The following SUGCT variants were observed in gnomAD, a reference collection of about 807,000 sequenced individuals.
The protein encoded by SUGCT is succinyl-CoA:glutarate CoA-transferase.
SUGCT carries 41 observed loss-of-function variants against 55.0 expected under a neutral mutation model. The ratio of observed to expected loss-of-function variants is 0.74; its 90% confidence interval spans 0.58 to 0.97. SUGCT has a LOEUF of 0.97. Among genes scored for constraint, SUGCT ranks in the 50% least tolerant of loss-of-function variants. The pLI is 0.00. For missense variants in SUGCT, 568 were observed against 547.8 expected (o/e 1.04, Z -0.37); for synonymous variants, 187 against 200.4 (o/e 0.93, Z 0.56).
intron 12 of SUGCT, among the ~76,000 whole-genome samples, chr7:40,521,942 G>A (rs567443401): frequency 1.3e-5 from 2 of 152,002 alleles, no homozygotes; most frequent in African/African-American, 2.4e-5. Flanking sequence ...GTTGTTTCTC[G>A]GCTGGATATT....
the SUGCT span, among the ~76,000 whole-genome samples, chr7:40,909,059 C>T: frequency 1.1e-4 from 17 of 151,954 alleles, no homozygotes; most frequent in Admixed American, 1.0e-3. Flanking sequence ...GGTTTTTTCC[C>T]CACTTTATTG....
At chr7:40,545,765 C>A (rs532503771) in intron 12 of SUGCT, among the ~76,000 whole-genome samples, 2 of 152,228 alleles carry the variant, frequency 1.3e-5, no homozygotes, top group South Asian at 4.2e-4. Flanking sequence ...TAGAGAATAA[C>A]AAAGTATGCT....
chr7:40,635,472 C>T (rs189306836), intron 12 of SUGCT, among the ~76,000 whole-genome samples: 234 of 152,206 alleles, frequency 1.5e-3, no homozygotes, highest in Middle Eastern at 6.8e-3. Flanking sequence ...CAGATGACAA[C>T]AGCTAAGAAG....
chr7:40,939,087 A>T, the SUGCT span, among the ~76,000 whole-genome samples: 1 of 152,190 alleles, frequency 6.6e-6, no homozygotes. Flanking sequence ...GGCAATTTAC[A>T]AAAGAAAGAT....
intron 6 of SUGCT, among the ~76,000 whole-genome samples, chr7:40,219,598 G>C (rs1787908153): frequency 6.6e-6 from 1 of 152,116 alleles, no homozygotes; most frequent in Non-Finnish European, 1.5e-5. Flanking sequence ...GTTGTGACCA[G>C]GCCATGTGAA....
At chr7:40,358,052 G>C (rs1375331007) in intron 9 of SUGCT, among the ~76,000 whole-genome samples, 1 of 152,158 alleles carries the variant, frequency 6.6e-6, no homozygotes, top group Admixed American at 6.5e-5. Context: ...GCACATAGAT[G>C]CCCAATAAGT....
chr7:40,228,234 T>A (rs981083040), intron 6 of SUGCT, among the ~76,000 whole-genome samples: 3 of 152,160 alleles, frequency 2.0e-5, no homozygotes, highest in African/African-American at 7.2e-5. Context: ...AAATATACAG[T>A]TGTTTTTCAG....
the SUGCT span, among the ~76,000 whole-genome samples, chr7:40,887,961 A>G: frequency 0.019 from 2,928 of 151,826 alleles, 107 homozygotes; most frequent in African/African-American, 0.068. Context: ...AGGGCTCACT[A>G]TGGCAGGTGT....
chr7:40,836,091 G>A (rs1792961146), intron 13 of SUGCT, among the ~76,000 whole-genome samples: 1 of 150,942 alleles, frequency 6.6e-6, no homozygotes, highest in Non-Finnish European at 1.5e-5. Flanking sequence ...TAGAGATGAA[G>A]TCTCACTGTG....
chr7:40,245,938 G>T (rs920346065), intron 7 of SUGCT, among the ~76,000 whole-genome samples: 4 of 151,988 alleles, frequency 2.6e-5, no homozygotes, highest in Non-Finnish European at 5.9e-5. Flanking sequence ...GGGCTGAATC[G>T]ATCCTCCCAT....
intron 11 of SUGCT, among the ~76,000 whole-genome samples, chr7:40,474,939 A>G (rs1319319866): frequency 1.3e-5 from 2 of 152,168 alleles, no homozygotes; most frequent in Non-Finnish European, 2.9e-5. Flanking sequence ...TAAGTACTGC[A>G]TATTGTAGGG....
At chr7:40,860,048 A>T (rs1161862997) in intron 13 of SUGCT, among the ~76,000 whole-genome samples, 1 of 152,162 alleles carries the variant, frequency 6.6e-6, no homozygotes, top group Non-Finnish European at 1.5e-5. Flanking sequence ...GCTTCCAAAT[A>T]GGCCCGGCAC....
chr7:40,331,528 G>A (rs1217053554), intron 9 of SUGCT, among the ~76,000 whole-genome samples: 1 of 152,120 alleles, frequency 6.6e-6, no homozygotes, highest in Non-Finnish European at 1.5e-5. Flanking sequence ...ATAGGGTCTG[G>A]CACATAGCAT....
intron 13 of SUGCT, among the ~76,000 whole-genome samples, chr7:40,762,739 A>C (rs1024043606): frequency 1.3e-5 from 2 of 152,158 alleles, no homozygotes; most frequent in Non-Finnish European, 2.9e-5. Context: ...GGTTGCCTGA[A>C]GCCTCCAAAC....
intron 9 of SUGCT, among the ~76,000 whole-genome samples, chr7:40,427,986 C>G (rs1335367920): frequency 6.6e-6 from 1 of 151,982 alleles, no homozygotes; most frequent in African/African-American, 2.4e-5. Context: ...ATGTTCTATT[C>G]GAGATTGAAA....
chr7:40,755,739 A>C lies in SUGCT; in HGVS notation c.1153+6242A>C, dbSNP rs552391748. Among the ~76,000 whole-genome samples the C allele has an allele frequency of 3.3e-5, 5 of 152,302 alleles. No homozygotes were observed. In the East Asian group the frequency reaches 9.7e-4, roughly 29 times the overall value. On this transcript the variant is annotated intron_variant, in intron 13 of 13. Coordinates refer to ENST00000335693, the MANE Select transcript of SUGCT (RefSeq NM_001193313.2). ...GATACTTCCTGTGAATGTGCATTGCAGTCATTTGATTCTAGTTGCACTTCT... is the reference window on the plus strand; with the variant it reads ...GATACTTCCTGTGAATGTGCATTGCCGTCATTTGATTCTAGTTGCACTTCT...
At chr7:40,495,877 G>A (rs1257478161) in intron 11 of SUGCT, among the ~76,000 whole-genome samples, 2 of 152,034 alleles carry the variant, frequency 1.3e-5, no homozygotes, top group African/African-American at 4.8e-5. Flanking sequence ...AGCTATATTA[G>A]TATTTTTTTT....
rs75844408 is a variant in SUGCT at position 40,253,456 on chromosome 7, G to A, written c.576+15730G>A. Among the ~76,000 whole-genome samples the A allele has an allele frequency of 6.5e-3, 985 of 152,300 alleles. 10 individuals carry two copies. Among genetic ancestry groups the A allele is most frequent in the African/African-American group, 0.023 (944 of 41,562 alleles). ...TACTTTCTTTATCTACCTTTAAGATGTAAGCTTTATGAAGGCACGGACTGG... is the reference window on the plus strand; with the variant it reads ...TACTTTCTTTATCTACCTTTAAGATATAAGCTTTATGAAGGCACGGACTGG... On this transcript the variant is annotated intron_variant, in intron 7 of 13. Transcript: ENST00000335693.
chr7:40,377,596 A>G (rs1784669204), intron 9 of SUGCT, among the ~76,000 whole-genome samples: 1 of 152,102 alleles, frequency 6.6e-6, no homozygotes, highest in East Asian at 1.9e-4. Flanking sequence ...GCAAGTATGC[A>G]GTTATTTTTA....
Sources: gnomAD v4.1 joint callset for allele counts (sites outside exome capture counted in the v4.1 genomes callset) on GRCh38, gnomAD v4.1.1 for gene constraint, MANE v1.5 for transcripts, NCBI Gene and HGNC (gene_info 2026-07-23, HGNC 2026-07-21) for gene names.